The following TRMT9B variants were observed in gnomAD, a reference collection of about 807,000 sequenced individuals.
The protein encoded by TRMT9B is probable tRNA methyltransferase 9B.
TRMT9B carries 16 observed loss-of-function variants against 11.5 expected under a neutral mutation model. The observed-to-expected ratio is 1.39, with a 90% CI of 0.94 to 2.11. The LOEUF (loss-of-function observed/expected upper bound fraction) is 2.11. Ranked by LOEUF, TRMT9B falls within the 30% of genes most tolerant of loss-of-function variation. The pLI, the probability that TRMT9B is intolerant of heterozygous loss-of-function variation, is 0.00. For missense variants in TRMT9B, 941 were observed against 553.8 expected (o/e 1.70, Z -7.02); for synonymous variants, 274 against 192.4 (o/e 1.42, Z -3.51).
intron 1 of TRMT9B, among the ~76,000 whole-genome samples, chr8:12,960,687 C>T (rs1167606994): frequency 3.3e-5 from 5 of 152,168 alleles, no homozygotes; most frequent in African/African-American, 1.2e-4. Flanking sequence ...ATGCATATTA[C>T]TAAGTAAAAG....
At position 12,978,345 on chromosome 8, in the gene TRMT9B, T is replaced by A. The variant is rs537148247; in HGVS notation, c.-199-12489T>A. Among the ~76,000 whole-genome samples the A allele has an allele frequency of 3.3e-5, 5 of 152,286 alleles. No homozygotes were observed. In the South Asian group the frequency reaches 8.3e-4, roughly 25 times the overall value. On this transcript the variant is annotated intron_variant, in intron 1 of 4. Transcript: ENST00000524591. ...AAGCCTTTGTTTCCTGGCAGTCAGC[T>A]CCTCTTCTGCTGATTGTGCCCATTG...
intron 1 of TRMT9B, among the ~76,000 whole-genome samples, chr8:12,990,180 G>A (rs575630355): frequency 6.6e-6 from 1 of 152,322 alleles, no homozygotes; most frequent in African/African-American, 2.4e-5. Context: ...CTGGGACTTA[G>A]ATTATGGTCC....
intron 2 of TRMT9B, among the ~76,000 whole-genome samples, chr8:13,000,843 G>A (rs1321729939): frequency 6.6e-6 from 1 of 152,178 alleles, no homozygotes; most frequent in African/African-American, 2.4e-5. Flanking sequence ...AGAAACAGAA[G>A]TGAGTTCAAG....
chr8:12,993,905 A>G (rs937052596), intron 2 of TRMT9B, among the ~76,000 whole-genome samples: 1 of 152,256 alleles, frequency 6.6e-6, no homozygotes, highest in Non-Finnish European at 1.5e-5. Flanking sequence ...TAGCTGGCAC[A>G]ATAAAAGGAA....
At chr8:12,991,838 G>A (rs374740273) in intron 2 of TRMT9B, among the ~76,000 whole-genome samples, 1 of 152,174 alleles carries the variant, frequency 6.6e-6, no homozygotes, top group African/African-American at 2.4e-5. Context: ...GGCTGGGTTA[G>A]GAGAATTGCT....
chr8:12,972,493 G>A lies in TRMT9B; in HGVS notation c.-199-18341G>A, dbSNP rs190178519. ...ATTGGAAACAAATGCCGCTGCCAGG[G>A]TGAAGGGCTGTTGCTGGCCAACTCT... On this transcript the variant is annotated intron_variant, in intron 1 of 4. Transcript: ENST00000524591. Among the ~76,000 whole-genome samples the A allele has an allele frequency of 3.3e-3, 499 of 152,306 alleles. 7 individuals are homozygous for A. Among genetic ancestry groups the A allele is most frequent in the South Asian group, 0.029 (141 of 4,820 alleles).
chr8:12,963,020 A>G (rs1802337980), intron 1 of TRMT9B, among the ~76,000 whole-genome samples: 2 of 152,252 alleles, frequency 1.3e-5, no homozygotes, highest in African/African-American at 4.8e-5. Flanking sequence ...GCTGAGTATT[A>G]TGATTTATCC....
intron 1 of TRMT9B, among the ~76,000 whole-genome samples, chr8:12,981,331 GC>G (rs1458745057): frequency 6.6e-6 from 1 of 152,218 alleles, no homozygotes; most frequent in Non-Finnish European, 1.5e-5. Flanking sequence ...TGCTGGCAGA[GC>G]ACAGGGTGTG....
chr8:12,987,144 T>G (rs568272795), intron 1 of TRMT9B, among the ~76,000 whole-genome samples: 19 of 152,186 alleles, frequency 1.2e-4, no homozygotes, highest in South Asian at 4.1e-4. Flanking sequence ...TAGGGTCAAA[T>G]TATCTGGGTT....
intron 3 of TRMT9B, chr8:13,006,592 C>G: frequency 1.4e-6 from 2 of 1,408,068 alleles, no homozygotes; most frequent in Non-Finnish European, 1.8e-6. Context: ...CATGCCAGTA[C>G]CTAGAATATT....
Position 13,006,219 on chromosome 8 carries a change from C to T in TRMT9B, c.17C>T (p.Ala6Val), listed in dbSNP as rs757484022. ...TTCTCCAGGATGGATCATGAAGCCG[C>T]CCAGCTGGAGAAGCAGCATGTGCAC... MDHEAAQLEKQHVHNV... is the reference protein window; with the variant it reads MDHEAVQLEKQHVHNV... Residue 6 changes from alanine to valine, a missense_variant, in exon 3 of 5, where the codon GCC becomes GTC. Transcript: ENST00000524591. 9 of 1,613,940 alleles carry T rather than the reference C, an allele frequency of 5.6e-6. No individual in the cohort carries two copies. The highest frequency in any genetic ancestry group is 1.1e-5 in the South Asian group (1 of 91,036).
At chr8:12,973,502 G>T (rs1803948208) in intron 1 of TRMT9B, among the ~76,000 whole-genome samples, 1 of 152,192 alleles carries the variant, frequency 6.6e-6, no homozygotes, top group African/African-American at 2.4e-5. Context: ...AGTGGGTATT[G>T]CTTGGGAAGT....
chr8:12,965,154 A>G (rs1295865429), intron 1 of TRMT9B, among the ~76,000 whole-genome samples: 1 of 152,234 alleles, frequency 6.6e-6, no homozygotes, highest in Non-Finnish European at 1.5e-5. Context: ...TCCCTGCTTC[A>G]GTGCAGTTTT....
At chr8:12,989,292 G>T (rs1439272262) in intron 1 of TRMT9B, among the ~76,000 whole-genome samples, 1 of 152,106 alleles carries the variant, frequency 6.6e-6, no homozygotes, top group Non-Finnish European at 1.5e-5. Flanking sequence ...GTCTCAATTG[G>T]AATTCAACTC....
intron 2 of TRMT9B, among the ~76,000 whole-genome samples, chr8:12,997,249 CT>C (rs1415806765): frequency 6.6e-6 from 1 of 152,024 alleles, no homozygotes; most frequent in Non-Finnish European, 1.5e-5. Context: ...TGGCATCCTC[CT>C]TATGGTAATG....
At chr8:12,977,475 G>T (rs1585170255) in intron 1 of TRMT9B, among the ~76,000 whole-genome samples, 1 of 152,148 alleles carries the variant, frequency 6.6e-6, no homozygotes, top group African/African-American at 2.4e-5. Context: ...GGCTGAGGTG[G>T]GTGGATCACG....
At chr8:13,004,692 G>C (rs1810095412) in intron 2 of TRMT9B, among the ~76,000 whole-genome samples, 1 of 151,982 alleles carries the variant, frequency 6.6e-6, no homozygotes, top group South Asian at 2.1e-4. Context: ...GTGGGCCTTG[G>C]GTGAGACTCT....
At chr8:13,020,580 A>G (rs1321023603) in intron 4 of TRMT9B, among the ~76,000 whole-genome samples, 1 of 152,212 alleles carries the variant, frequency 6.6e-6, no homozygotes, top group African/African-American at 2.4e-5. Flanking sequence ...CAAATTGTTC[A>G]TTAAAACAAT....
chr8:12,996,834 G>C (rs566246691), intron 2 of TRMT9B, among the ~76,000 whole-genome samples: 1 of 152,138 alleles, frequency 6.6e-6, no homozygotes, highest in African/African-American at 2.4e-5. Flanking sequence ...CAGCACCCCA[G>C]GACCACCTCC....
Sources: gnomAD v4.1 joint callset for allele counts (sites outside exome capture counted in the v4.1 genomes callset) on GRCh38, gnomAD v4.1.1 for gene constraint, MANE v1.5 for transcripts, NCBI Gene and HGNC (gene_info 2026-07-23, HGNC 2026-07-21) for gene names.